The following DLGAP5 variants were observed in gnomAD, a reference collection of about 807,000 sequenced individuals.
DLGAP5 encodes the protein disks large-associated protein 5.
A neutral mutation model predicts 99.6 loss-of-function variants in DLGAP5; 90 were observed. The observed-to-expected ratio is 0.90, with a 90% CI of 0.76 to 1.08. DLGAP5 has a LOEUF of 1.08. Among genes scored for constraint, DLGAP5 ranks in the 50% least tolerant of loss-of-function variants. The pLI is 0.00. For missense variants in DLGAP5, 1,036 were observed against 983.5 expected (o/e 1.05, Z -0.71); for synonymous variants, 311 against 321.3 (o/e 0.97, Z 0.34).
intron 5 of DLGAP5, 47 bp downstream of exon 5, chr14:55,181,166 G>A (rs752804767): frequency 6.5e-7 from 1 of 1,536,736 alleles, no homozygotes; most frequent in Non-Finnish European, 8.9e-7. Flanking sequence ...AAAAAATTAT[G>A]GCTGTGGTAG....
Position 55,169,509 on chromosome 14 carries a change from C to G in DLGAP5, c.1438G>C (p.Glu480Gln). 6.2e-7 allele frequency: 1 copy of G among 1,611,274 alleles called. No homozygotes were observed. Among genetic ancestry groups the G allele is most frequent in the Non-Finnish European group, 8.5e-7 (1 of 1,179,284 alleles). The change falls in exon 12 of 19, where the codon GAA becomes CAA. Residue 480 changes from glutamate (E) to glutamine (Q), a missense_variant. Coordinates refer to ENST00000247191, the MANE Select transcript of DLGAP5 (RefSeq NM_014750.5). ...AVGQTRLLMK[E>Q]RFKQFEGLVD... is the part of the protein sequence containing the mutation. ...AGTCCTTCAAACTGTTTAAACCTTT[C>G]CTTCATAAGGAGTCTTGTTTGACCA...
At position 55,183,675 on chromosome 14, in the gene DLGAP5, A is replaced by T; in HGVS notation, c.317T>A (p.Leu106Ter). The change falls in exon 3 of 19, where the codon TTG (leucine) becomes TAG (stop). Residue 106 changes from leucine to a stop codon, truncating the protein, a stop_gained. Coordinates refer to ENST00000247191, the MANE Select transcript of DLGAP5 (RefSeq NM_014750.5). LOFTEE classifies it high-confidence loss of function. ...TTTAGCTTTCTCTCTCTGCTCTTTC[A>T]ATTTTTGAAGTTGCTTTTCTTCTTT... ...KYKEEKQLQK[L>*]KEQREKAKRG... 1 of 1,612,462 alleles carries T rather than the reference A, an allele frequency of 6.2e-7. No individual in the cohort carries two copies.
intron 8 of DLGAP5, 31 bp downstream of exon 8, chr14:55,177,031 A>C (rs1460022859): frequency 1.5e-6 from 2 of 1,298,860 alleles, no homozygotes; most frequent in Non-Finnish European, 2.0e-6. Flanking sequence ...CCATCTTAGC[A>C]AGAGACTTAT....
rs1400798625 is a variant in DLGAP5, at chr14:55,158,559, T to A, written c.1836A>T (p.Gly612=). Residue 612 remains glycine, a synonymous_variant, in exon 14 of 19, where the codon GGA becomes GGT. Transcript: ENST00000247191. ...TAACAGGACTTTCAACTCTGAAAAA[T>A]CCAGCATCGAACACTATTTTATCAA... The part of the protein sequence containing the change: ...KEVDKIVFDA[G]FFRVESPVKL... 6.2e-7 allele frequency: 1 copy of A among 1,613,860 alleles called. No homozygotes were observed. Among genetic ancestry groups the A allele is most frequent in the African/African-American group, 1.3e-5 (1 of 74,890 alleles).
chr14:55,152,004 GT>G (rs752679996), intron 16 of DLGAP5, 63 bp from the exon 17 acceptor site: 61 of 1,509,206 alleles, frequency 4.0e-5, no homozygotes, highest in Non-Finnish European at 5.1e-5. Context: ...AATTTTAAAA[GT>G]CTTGTTGCTA....
At chr14:55,164,788 G>A (rs970631332) in intron 12 of DLGAP5, among the ~76,000 whole-genome samples, 1 of 151,894 alleles carries the variant, frequency 6.6e-6, no homozygotes, top group Non-Finnish European at 1.5e-5. Flanking sequence ...CAGGCATGGT[G>A]GCATGCACCT....
At chr14:55,176,048 G>A in intron 8 of DLGAP5, 30 bp from the exon 9 acceptor site, 1 of 1,583,708 alleles carries the variant, frequency 6.3e-7, no homozygotes, top group Non-Finnish European at 8.6e-7. Context: ...TATACTTCAT[G>A]AAACATGAAC....
Position 55,169,458 on chromosome 14 carries a change from C to G in DLGAP5, c.1489G>C (p.Gly497Arg). The change falls in exon 12 of 19, where the codon GGT becomes CGT. Residue 497 changes from glycine to arginine, a missense_variant. Coordinates refer to ENST00000247191, the MANE Select transcript of DLGAP5 (RefSeq NM_014750.5). The stretch of plus-strand genomic sequence containing the variant: ...TCTGTACAGGTAGTCTCCTTTATAC[C>G]TCGTTTATATTCACAATCATCAACC... The part of the protein sequence containing the change: ...GLVDDCEYKR[G>R]IKETTCTDLD... 1 of 1,612,590 alleles carries G rather than the reference C, an allele frequency of 6.2e-7. No individual in the cohort carries two copies.
chr14:55,152,751 A>T, intron 15 of DLGAP5, 104 bp from the exon 16 acceptor site: 1 of 958,496 alleles, frequency 1.0e-6, no homozygotes, highest in Non-Finnish European at 1.5e-6. Flanking sequence ...TAGGGAATGG[A>T]TCAAACATGG....
rs1883531467 is a variant in DLGAP5 at position 55,189,254 on chromosome 14, C to T, written c.-1-74G>A. Reference sequence around the variant, plus strand: ...AAAAAATTAAGATTACAGTTCATTTCCTGTCCCACTTCAGGGCCTTCTGAA... The same window carrying T: ...AAAAAATTAAGATTACAGTTCATTTTCTGTCCCACTTCAGGGCCTTCTGAA... On this transcript the variant is annotated intron_variant, in intron 1 of 18. Transcript: ENST00000247191. The T allele has an allele frequency of 8.6e-6, 10 of 1,158,722 alleles. No homozygotes were observed. In the Middle Eastern group the frequency reaches 6.5e-4, roughly 76 times the overall value. 71.8% of individuals were successfully genotyped at this position (1,158,722 alleles called of 1,614,324 possible).
In DLGAP5 at chr14:55,176,037, A is replaced by T. The variant is rs1469982326; in HGVS notation, c.1050-19T>A. On this transcript the variant is annotated intron_variant, in intron 8 of 18. Coordinates refer to ENST00000247191, the MANE Select transcript of DLGAP5 (RefSeq NM_014750.5). ...CTCATCACTAAAAACAATAGCAAAA[A>T]TATACTTCATGAAACATGAACTCCA... 2 of 1,593,368 alleles carry T rather than the reference A, an allele frequency of 1.3e-6. No individual in the cohort carries two copies. The highest frequency in any genetic ancestry group is 1.7e-5 in the Admixed American group (1 of 57,832).
At chr14:55,170,861 G>A in intron 10 of DLGAP5, 74 bp from the exon 11 acceptor site, 1 of 1,032,862 alleles carries the variant, frequency 9.7e-7, no homozygotes. Context: ...ATAACATCAT[G>A]ATACATAACA....
intron 10 of DLGAP5, among the ~76,000 whole-genome samples, 155 bp from the exon 11 acceptor site, chr14:55,170,942 T>C (rs1213536123): frequency 2.6e-5 from 4 of 152,242 alleles, no homozygotes; most frequent in Admixed American, 2.0e-4. Flanking sequence ...AACTGTGATA[T>C]ATTAAAATCC....
Position 55,150,866 on chromosome 14 carries a change from A to G in DLGAP5, c.2369-18T>C. 6.5e-7 allele frequency: 1 copy of G among 1,532,982 alleles called. No homozygotes were observed. The highest frequency in any genetic ancestry group is 2.3e-5 in the East Asian group (1 of 42,988). The allele number at this position is 1,532,982 out of a possible 1,614,324, so 95.0% of individuals were successfully genotyped here. A position where few individuals can be genotyped will look rare whatever the true frequency, so the allele number is the denominator to read the frequency against. Reference sequence around the variant, plus strand: ...AAATAGTTCTGAAAAACAACAAAAAAAAACTTTTTAAAGAATATTCTCACA... The same window carrying G: ...AAATAGTTCTGAAAAACAACAAAAAGAAACTTTTTAAAGAATATTCTCACA... On this transcript the variant is annotated intron_variant, in intron 17 of 18. Coordinates refer to ENST00000247191, the MANE Select transcript of DLGAP5 (RefSeq NM_014750.5).
chr14:55,175,750 A>G, intron 9 of DLGAP5, 144 bp downstream of exon 9: 3 of 723,644 alleles, frequency 4.1e-6, no homozygotes, highest in Non-Finnish European at 6.4e-6. Flanking sequence ...TCACATCCCC[A>G]AATGATATGG....
rs1302540030 is a variant in DLGAP5 at position 55,163,023 on chromosome 14, C to A, written c.1601G>T (p.Gly534Val). The change falls in exon 13 of 19, where the codon GGG (glycine) becomes GTG (valine). Residue 534 changes from glycine (G) to valine (V), a missense_variant. Physicochemically the swap from Gly to Val is moderately radical, Grantham distance 109. Transcript: ENST00000247191. ...FNNLIKLEES[G>V]WQVNNNMNHN... ...ATTCATATTATTATTGACTTGCCAC[C>A]CAGATTCCTCAAGTTTGATCAGATT... The A allele has an allele frequency of 6.2e-7, 1 of 1,600,968 alleles. No homozygotes were observed. Among genetic ancestry groups the A allele is most frequent in the Admixed American group, 1.7e-5 (1 of 58,988 alleles).
intron 14 of DLGAP5, among the ~76,000 whole-genome samples, chr14:55,156,967 G>C (rs1429185612): frequency 1.3e-5 from 2 of 152,174 alleles, no homozygotes; most frequent in South Asian, 2.1e-4. Context: ...AGATTAAAAA[G>C]TCTACCAGAA....
At position 55,182,085 on chromosome 14, in the gene DLGAP5, A is replaced by G. The variant is rs1455725913; in HGVS notation, c.495+285T>C. Reference sequence around the variant, plus strand: ...ACCTACCCTGTGTGCTTTCCTCCCCATATGCATTTCATGCAGGTAACTTGG... The same window carrying G: ...ACCTACCCTGTGTGCTTTCCTCCCCGTATGCATTTCATGCAGGTAACTTGG... On this transcript the variant is annotated intron_variant, in intron 4 of 18. Transcript: ENST00000247191. 2.0e-5 allele frequency among the ~76,000 whole-genome samples: 3 copies of G among 152,206 alleles called. No homozygotes were observed. In the East Asian group the frequency reaches 5.8e-4, roughly 29 times the overall value.
chr14:55,181,491 T>C (rs945764566), intron 4 of DLGAP5, among the ~76,000 whole-genome samples, 194 bp from the exon 5 acceptor site: 2 of 152,200 alleles, frequency 1.3e-5, no homozygotes, highest in South Asian at 4.1e-4. Flanking sequence ...CTTACATCCT[T>C]TTTCACAATC....
Sources: allele counts gnomAD v4.1 joint callset (sites outside exome capture counted in the v4.1 genomes callset), GRCh38; gene constraint gnomAD v4.1.1; transcripts MANE v1.5; gene names NCBI Gene and HGNC (gene_info 2026-07-23, HGNC 2026-07-21).